The following BRCA1 variants were observed in gnomAD, a reference collection of about 807,000 sequenced individuals.
BRCA1 encodes breast cancer type 1 susceptibility protein.
A neutral mutation model predicts 173.7 loss-of-function variants in BRCA1; 140 were observed. That is an observed-to-expected ratio of 0.81 (90% CI 0.70 to 0.93). BRCA1 has a LOEUF of 0.93. Ranked by LOEUF, BRCA1 falls within the 40% of genes least tolerant of loss-of-function variation. BRCA1 has a pLI of 0.00. For missense variants in BRCA1, 1,983 were observed against 2,172.5 expected (o/e 0.91, Z 1.73); for synonymous variants, 662 against 756.0 (o/e 0.88, Z 2.04).
chr17:43,068,438 C>G (rs896481012), intron 15 of BRCA1, among the ~76,000 whole-genome samples: 1 of 151,450 alleles, frequency 6.6e-6, no homozygotes, highest in African/African-American at 2.4e-5. Context: ...GGGCCAGACA[C>G]GGCAGCTCAT....
Position 43,135,759 on chromosome 17 carries a change from G to C in BRCA1, c.-19-11644C>G, listed in dbSNP as rs1240150197. 1.1e-4 allele frequency among the ~76,000 whole-genome samples: 16 copies of C among 152,282 alleles called. No homozygotes were observed. In the East Asian group the frequency reaches 3.1e-3, roughly 29 times the overall value. On this transcript the variant is annotated intron_variant, in intron 1 of 7. Transcript: ENST00000634433. The stretch of plus-strand genomic sequence containing the variant: ...TCTCGAATGGGGGTGGCCCTCCCCT[G>C]ATCTTCTGAATCGCAACAGCATCTC...
chr17:43,106,329 G>T, intron 4 of BRCA1, 127 bp downstream of exon 4: 1 of 631,476 alleles, frequency 1.6e-6, no homozygotes, highest in Non-Finnish European at 2.8e-6. Context: ...ATAATTTACT[G>T]TGTGCTAAAA....
At chr17:43,135,348 A>C (rs992730430) in intron 1 of BRCA1, among the ~76,000 whole-genome samples, 2 of 152,324 alleles carry the variant, frequency 1.3e-5, no homozygotes, top group African/African-American at 4.8e-5. Context: ...CTTTCTTCCA[A>C]CTGCCGTTTG....
chr17:43,104,183 C>T lies in BRCA1; in HGVS notation c.380G>A (p.Ser127Asn), dbSNP rs80357189. 6.8e-6 allele frequency: 11 copies of T among 1,613,876 alleles called. No homozygotes were observed. Among genetic ancestry groups the T allele is most frequent in the South Asian group, 6.6e-5 (6 of 91,078 alleles). The change falls in exon 6 of 23, where the codon AGT becomes AAT. Residue 127 changes from serine to asparagine, a missense_variant. Transcript: ENST00000357654. ...TTTGGCACGGTTTCTGTAGCCCATA[C>T]TTTGGATGATAGAAACTTCATCTTT... ...HLKDEVSIIQSMGYRNRAKRL... is the reference protein window; with the variant it reads ...HLKDEVSIIQNMGYRNRAKRL...
In BRCA1 at chr17:43,091,990, C is replaced by T. The variant is rs56336919; in HGVS notation, c.3541G>A (p.Val1181Ile). The change falls in exon 10 of 23, where the codon GTC becomes ATC. Residue 1181 changes from valine (V) to isoleucine (I), a missense_variant. Coordinates refer to ENST00000357654, the MANE Select transcript of BRCA1 (RefSeq NM_007294.4). ...KESSAVFSKS[V>I]QKGELSRSPS... ...CTCCTGCTAAGCTCTCCTTTCTGGA[C>T]GCTTTTGCTAAAAACAGCAGAACTT... is the stretch of plus-strand genomic sequence containing the variant. 4.5e-5 allele frequency: 73 copies of T among 1,614,060 alleles called. 1 individual carries two copies. The highest frequency in any genetic ancestry group is 2.7e-4 in the South Asian group (25 of 91,076).
At chr17:43,124,343 C>T (rs1237091372) in intron 1 of BRCA1, among the ~76,000 whole-genome samples, 4 of 152,274 alleles carry the variant, frequency 2.6e-5, no homozygotes, top group Middle Eastern at 6.8e-3. Context: ...CTGCCAACCC[C>T]TTGGGTCTTT....
chr17:43,146,875 C>A (rs981855938), intron 1 of BRCA1, among the ~76,000 whole-genome samples: 4 of 152,112 alleles, frequency 2.6e-5, no homozygotes, highest in African/African-American at 9.7e-5. Context: ...GGTTTTGACT[C>A]TTGAAAGGAG....
chr17:43,063,382 A>G lies in BRCA1; in HGVS notation c.5153-9T>C, dbSNP rs2051874564. 1 of 1,609,898 alleles carries G rather than the reference A, an allele frequency of 6.2e-7. No individual in the cohort carries two copies. The highest frequency in any genetic ancestry group is 1.7e-4 in the Middle Eastern group (1 of 6,056). On this transcript the variant is annotated splice_polypyrimidine_tract_variant and intron_variant, in intron 17 of 22. Transcript: ENST00000357654. ...AATAGACTGGGTCACCCCTAAAGAG[A>G]TCATAGAAAAGACAGGTTACATACA... is the stretch of plus-strand genomic sequence containing the variant.
chr17:43,082,682 C>A, intron 11 of BRCA1, 107 bp from the exon 12 acceptor site: 1 of 1,241,536 alleles, frequency 8.1e-7, no homozygotes, highest in Non-Finnish European at 1.1e-6. Flanking sequence ...TTGAAATCAC[C>A]TAGTATGGAA....
intron 1 of BRCA1, among the ~76,000 whole-genome samples, chr17:43,141,179 C>G (rs867785412): frequency 6.6e-6 from 1 of 152,202 alleles, no homozygotes; most frequent in African/African-American, 2.4e-5. Flanking sequence ...CTGGGAGAGA[C>G]AGCTCATCCA....
chr17:43,127,381 A>T (rs1298899113), upstream of BRCA1, among the ~76,000 whole-genome samples: 3 of 152,174 alleles, frequency 2.0e-5, no homozygotes, highest in African/African-American at 7.2e-5. Flanking sequence ...GTATCTAGCT[A>T]ATCTGGTGGG....
chr17:43,062,797 A>G (rs1173400212), intron 18 of BRCA1, among the ~76,000 whole-genome samples: 1 of 151,958 alleles, frequency 6.6e-6, no homozygotes, highest in East Asian at 1.9e-4. Flanking sequence ...GGGTTTCACC[A>G]TGTTGCCCAG....
chr17:43,080,966 T>C (rs963053464), intron 12 of BRCA1, among the ~76,000 whole-genome samples: 139 of 152,262 alleles, frequency 9.1e-4, no homozygotes, highest in African/African-American at 3.2e-3. Context: ...ACACCAGATT[T>C]AGGGAGAAAA....
intron 19 of BRCA1, among the ~76,000 whole-genome samples, chr17:43,052,516 A>C (rs1488360420): frequency 1.3e-5 from 2 of 152,172 alleles, no homozygotes; most frequent in African/African-American, 4.8e-5. Flanking sequence ...GCAAATTCTC[A>C]TAAACACACT....
upstream of BRCA1, among the ~76,000 whole-genome samples, chr17:43,127,718 T>A (rs2055923785): frequency 6.6e-6 from 1 of 152,046 alleles, no homozygotes. Flanking sequence ...TGGGGTCAGA[T>A]AAGGGAATAA....
chr17:43,059,622 A>G (rs2051662153), intron 18 of BRCA1, among the ~76,000 whole-genome samples: 1 of 152,124 alleles, frequency 6.6e-6, no homozygotes, highest in Non-Finnish European at 1.5e-5. Context: ...TATTACTAAC[A>G]AGATCTATTG....
chr17:43,072,500 TC>T lies in BRCA1; in HGVS notation c.4676-1263del, dbSNP rs1422855179. On this transcript the variant is annotated intron_variant, in intron 14 of 22. Coordinates refer to ENST00000357654, the MANE Select transcript of BRCA1 (RefSeq NM_007294.4). The stretch of plus-strand genomic sequence containing the variant: ...CACCTGCAGCCTTGACCTCCTGGAC[TC>T]AAGTGATCTTCCTGTCTCAGCCTCC... 2.0e-5 allele frequency among the ~76,000 whole-genome samples: 3 copies of T among 151,782 alleles called. No individual in the cohort carries two copies. The East Asian group carries it at 5.8e-4, about 29-fold the overall frequency.
intron 1 of BRCA1, 188 bp downstream of exon 1, chr17:43,125,083 C>A (rs111956204): frequency 2.6e-4 from 117 of 448,750 alleles, no homozygotes; most frequent in African/African-American, 2.1e-3. Flanking sequence ...CTTCCTGATC[C>A]TCAGCGCTTC....
chr17:43,108,269 C>A (rs757333387), intron 3 of BRCA1, among the ~76,000 whole-genome samples: 2 of 144,036 alleles, frequency 1.4e-5, no homozygotes, highest in Non-Finnish European at 3.0e-5. Context: ...ACCTGTGAGG[C>A]GGGGGTTACA....
Sources: gnomAD v4.1 joint callset for allele counts (sites outside exome capture counted in the v4.1 genomes callset) on GRCh38, gnomAD v4.1.1 for gene constraint, MANE v1.5 for transcripts, NCBI Gene and HGNC (gene_info 2026-07-23, HGNC 2026-07-21) for gene names.